PLCE1: variants seen among roughly 807,000 people sequenced by gnomAD.
PLCE1 encodes the protein 1-phosphatidylinositol 4,5-bisphosphate phosphodiesterase epsilon-1.
A neutral mutation model predicts 242.8 loss-of-function variants in PLCE1; 119 were observed. That is an observed-to-expected ratio of 0.49 (90% CI 0.42 to 0.57). The LOEUF (loss-of-function observed/expected upper bound fraction) is 0.57, where lower values mean the gene tolerates loss of function less well. Among genes scored for constraint, PLCE1 ranks in the 20% least tolerant of loss-of-function variants. The pLI is 0.00. For synonymous variants in PLCE1, 945 were observed against 1,017.4 expected, an observed-to-expected ratio of 0.93 and a Z score of 1.35; for missense variants, 2,441 against 2,788.8, an observed-to-expected ratio of 0.88 and a Z score of 2.81.
rs11187870 is a variant in PLCE1, at chr10:94,328,109, G to C, written c.*166G>C. ...GATCCATGCTGAGGAGAAGCAAAAT[G>C]GCACAGGGCTAGTTGCCACCAACCA... On this transcript the variant is annotated 3_prime_UTR_variant, in exon 33 of 33. Transcript: ENST00000371380. 28,610 of 397,822 alleles carry C rather than the reference G, an allele frequency of 0.072. 1,438 individuals are homozygous for C. The highest frequency in any genetic ancestry group is 0.19 in the East Asian group (2,707 of 14,024). The allele number at this position is 397,822 out of a possible 1,614,324, so 24.6% of individuals were successfully genotyped here.
At chr10:94,216,233 C>T (rs1322599403) in intron 4 of PLCE1, among the ~76,000 whole-genome samples, 1 of 152,114 alleles carries the variant, frequency 6.6e-6, no homozygotes, top group African/African-American at 2.4e-5. Context: ...GCAAACCCAG[C>T]CAATGATAGA....
At chr10:94,163,818 T>C (rs1310996552) in intron 3 of PLCE1, among the ~76,000 whole-genome samples, 1 of 152,214 alleles carries the variant, frequency 6.6e-6, no homozygotes, top group African/African-American at 2.4e-5. Context: ...ACATGTTTAG[T>C]GCTTCCTTCA....
intron 9 of PLCE1, among the ~76,000 whole-genome samples, chr10:94,252,777 G>A (rs911691798): frequency 1.3e-5 from 2 of 152,154 alleles, no homozygotes; most frequent in Non-Finnish European, 2.9e-5. Flanking sequence ...TGGGGGCAGA[G>A]AGAAGGAAAA....
rs1309970660 is a variant in PLCE1 at position 94,031,921 on chromosome 10, C to T, written c.875C>T (p.Ala292Val). Reference protein sequence around the residue: ...FCRKDFTDSQAAKTFLSHFED... With the variant: ...FCRKDFTDSQVAKTFLSHFED... Reference sequence around the variant, plus strand: ...AGGAAAGACTTTACTGACAGTCAAGCTGCCAAGACCTTTTTGAGCCATTTT... The same window carrying T: ...AGGAAAGACTTTACTGACAGTCAAGTTGCCAAGACCTTTTTGAGCCATTTT... The change falls in exon 2 of 33, where the codon GCT becomes GTT. Residue 292 changes from alanine to valine, a missense_variant. Ala to Val is a moderately conservative substitution (Grantham distance 64). Coordinates refer to ENST00000371380, the MANE Select transcript of PLCE1 (RefSeq NM_016341.4). 1 of 1,613,702 alleles carries T rather than the reference C, an allele frequency of 6.2e-7. No individual in the cohort carries two copies. The highest frequency in any genetic ancestry group is 1.7e-5 in the Admixed American group (1 of 59,964).
At chr10:94,192,246 G>C (rs764640384) in intron 4 of PLCE1, among the ~76,000 whole-genome samples, 1 of 152,124 alleles carries the variant, frequency 6.6e-6, no homozygotes, top group Non-Finnish European at 1.5e-5. Flanking sequence ...TCATGGGTGT[G>C]CTGTATGACA....
chr10:94,215,306 T>C (rs561918344), intron 4 of PLCE1, among the ~76,000 whole-genome samples: 2 of 152,328 alleles, frequency 1.3e-5, no homozygotes, highest in Middle Eastern at 6.8e-3. Flanking sequence ...CAATGTATTA[T>C]GCATAACTCA....
intron 14 of PLCE1, among the ~76,000 whole-genome samples, chr10:94,264,801 T>C (rs1214781657): frequency 6.6e-6 from 1 of 152,128 alleles, no homozygotes; most frequent in Admixed American, 6.5e-5. Context: ...ATTACAGGCG[T>C]GAGCCACCGC....
intron 17 of PLCE1, among the ~76,000 whole-genome samples, chr10:94,269,953 T>C (rs1275913907): frequency 3.3e-5 from 5 of 152,238 alleles, no homozygotes; most frequent in African/African-American, 1.2e-4. Context: ...TTATTTTTAT[T>C]TTACATGTAG....
At chr10:94,068,438 A>G (rs2044259987) in intron 2 of PLCE1, among the ~76,000 whole-genome samples, 1 of 152,186 alleles carries the variant, frequency 6.6e-6, no homozygotes. Context: ...CAACATAACT[A>G]TTTACATAAA....
intron 2 of PLCE1, among the ~76,000 whole-genome samples, chr10:94,109,571 G>A (rs1290490551): frequency 6.6e-6 from 1 of 152,158 alleles, no homozygotes; most frequent in Admixed American, 6.5e-5. Flanking sequence ...TTGTGCCACT[G>A]TACTCCAGCC....
At position 94,313,351 on chromosome 10, in the gene PLCE1, G is replaced by C. The variant is rs377038783; in HGVS notation, c.6101G>C (p.Gly2034Ala). The change falls in exon 28 of 33, where the codon GGA (glycine) becomes GCA (alanine). Residue 2034 changes from glycine (G) to alanine (A), a missense_variant. Physicochemically the swap from Gly to Ala is moderately conservative, Grantham distance 60. This residue lies in a region of PLCE1 where 310 missense variants were observed against 317.2 expected (regional missense o/e 0.98). Coordinates refer to ENST00000371380, the MANE Select transcript of PLCE1 (RefSeq NM_016341.4). ...PEPFTVFTIN[G>A]GTKAKQLLQQ... ...CCCTTTACCGTTTTCACTATTAATG[G>C]AGGCACCAAGGCAAAGCAGCTTCTG... 29 of 1,614,054 alleles carry C rather than the reference G, an allele frequency of 1.8e-5. No individual in the cohort carries two copies. In the African/African-American group the frequency reaches 3.9e-4, roughly 22 times the overall value.
At chr10:94,147,590 T>C (rs1201004650) in intron 3 of PLCE1, among the ~76,000 whole-genome samples, 1 of 152,200 alleles carries the variant, frequency 6.6e-6, no homozygotes, top group Non-Finnish European at 1.5e-5. Context: ...CTAGGCACTA[T>C]ATTGTGACAG....
At chr10:94,271,328 T>G (rs2051724604) in intron 18 of PLCE1, among the ~76,000 whole-genome samples, 1 of 144,016 alleles carries the variant, frequency 6.9e-6, no homozygotes, top group African/African-American at 2.6e-5. Context: ...TTTTTTTTTT[T>G]TTTTGCGATG....
intron 2 of PLCE1, among the ~76,000 whole-genome samples, chr10:94,063,150 T>C (rs2044106005): frequency 6.6e-6 from 1 of 152,226 alleles, no homozygotes; most frequent in South Asian, 2.1e-4. Flanking sequence ...ATGCGCAAGC[T>C]CTGTGTACTT....
At position 94,289,104 on chromosome 10, in the gene PLCE1, C is replaced by T. The variant is rs111319527; in HGVS notation, c.5035+4139C>T. On this transcript the variant is annotated intron_variant, in intron 22 of 32. Transcript: ENST00000371380. ...ATGAGAGGGCTTGGAACAGAACTCTCGGGAGAATGTCAACCAACACACCAC... is the reference window on the plus strand; with the variant it reads ...ATGAGAGGGCTTGGAACAGAACTCTTGGGAGAATGTCAACCAACACACCAC... 4.5e-3 allele frequency among the ~76,000 whole-genome samples: 692 copies of T among 152,234 alleles called. 4 individuals are homozygous for T. The highest frequency in any genetic ancestry group is 0.017 in the Middle Eastern group (5 of 294).
chr10:94,302,289 G>A (rs2053065856), intron 24 of PLCE1, among the ~76,000 whole-genome samples: 1 of 152,064 alleles, frequency 6.6e-6, no homozygotes, highest in Admixed American at 6.6e-5. Flanking sequence ...TAATACCTAG[G>A]GGTTGGGTTG....
chr10:94,208,114 T>C (rs963474027), intron 4 of PLCE1, among the ~76,000 whole-genome samples: 1 of 152,166 alleles, frequency 6.6e-6, no homozygotes, highest in African/African-American at 2.4e-5. Context: ...ATTCCTAGAA[T>C]AGTGCCTCAC....
chr10:94,166,307 T>C (rs182041742), intron 3 of PLCE1, among the ~76,000 whole-genome samples: 16 of 152,330 alleles, frequency 1.1e-4, no homozygotes, highest in Non-Finnish European at 7.3e-5. Flanking sequence ...GTAAGATTTC[T>C]AGTACAAAGA....
At chr10:94,167,055 C>A (rs7913115) in intron 3 of PLCE1, among the ~76,000 whole-genome samples, 52,507 of 152,022 alleles carry the variant, frequency 0.35, 10,451 homozygotes, top group East Asian at 0.56. Context: ...TTTGGGAGGC[C>A]AAGGCAGGTG....
Sources: allele counts gnomAD v4.1 joint callset (sites outside exome capture counted in the v4.1 genomes callset), GRCh38; gene constraint gnomAD v4.1.1; regional missense constraint gnomAD v4.1.1; transcripts MANE v1.5; gene names NCBI Gene and HGNC (gene_info 2026-07-23, HGNC 2026-07-21).